Variants in EYS observed in about 807,000 individuals in gnomAD.
EYS encodes the protein protein eyes shut homolog.
Under a neutral mutation model 282.1 loss-of-function variants are expected in EYS, and 250 were observed. The ratio of observed to expected loss-of-function variants is 0.89; its 90% CI spans 0.80 to 0.98. The LOEUF (loss-of-function observed/expected upper bound fraction) is 0.98. Among genes scored for constraint, EYS ranks in the 50% least tolerant of loss-of-function variants. The probability of loss-of-function intolerance (pLI) is 0.00; values close to 1 mark genes in which losing one functional copy is unlikely to be tolerated. For missense variants in EYS, 4,016 were observed against 3,709.0 expected (o/e 1.08, Z -2.15); for synonymous variants, 1,355 against 1,282.9 (o/e 1.06, Z -1.20).
intron 35 of EYS, among the ~76,000 whole-genome samples, chr6:63,980,910 A>T (rs902878473): frequency 1.3e-5 from 2 of 151,922 alleles, no homozygotes; most frequent in Non-Finnish European, 2.9e-5. Flanking sequence ...AACAACATAG[A>T]TAGGAAGTGG....
intron 28 of EYS, among the ~76,000 whole-genome samples, chr6:64,420,689 C>A (rs181835220): frequency 6.6e-6 from 1 of 152,116 alleles, no homozygotes; most frequent in African/African-American, 2.4e-5. Context: ...ATTTCTTCTG[C>A]CAGATACCCT....
chr6:64,288,182 C>T (rs1768564971), intron 30 of EYS, among the ~76,000 whole-genome samples: 1 of 152,146 alleles, frequency 6.6e-6, no homozygotes, highest in Non-Finnish European at 1.5e-5. Context: ...GCTCTTTTCA[C>T]TCTGCACAGT....
At chr6:65,429,904 C>T (rs554735162) in intron 5 of EYS, among the ~76,000 whole-genome samples, 19 of 152,218 alleles carry the variant, frequency 1.2e-4, no homozygotes, top group Admixed American at 3.9e-4. Context: ...TTTAGTAATA[C>T]TTTTAGTTTA....
chr6:65,681,676 T>C (rs942066266), intron 1 of EYS, among the ~76,000 whole-genome samples: 2 of 151,908 alleles, frequency 1.3e-5, no homozygotes, highest in African/African-American at 2.4e-5. Flanking sequence ...ACAGGCAGCA[T>C]AAATATCATT....
At chr6:65,285,563 A>G (rs531608420) in intron 12 of EYS, among the ~76,000 whole-genome samples, 1 of 152,008 alleles carries the variant, frequency 6.6e-6, no homozygotes, top group South Asian at 2.1e-4. Context: ...TTCTATTCAT[A>G]AAAAAGATCA....
At chr6:65,625,887 T>A (rs944507312) in intron 2 of EYS, among the ~76,000 whole-genome samples, 1 of 152,232 alleles carries the variant, frequency 6.6e-6, no homozygotes, top group Non-Finnish European at 1.5e-5. Flanking sequence ...GCTCTTGGAA[T>A]TCTACATCGC....
chr6:64,259,640 T>TTA (rs1271150295), intron 30 of EYS, among the ~76,000 whole-genome samples: 9 of 98,976 alleles, frequency 9.1e-5, no homozygotes, highest in Non-Finnish European at 1.2e-4. Flanking sequence ...CCCAGTACTT[T>TTA]TACACACGCG....
intron 41 of EYS, among the ~76,000 whole-genome samples, chr6:63,729,763 T>C (rs1261957931): frequency 6.6e-6 from 1 of 152,172 alleles, no homozygotes; most frequent in Admixed American, 6.5e-5. Context: ...CCTATCTCTC[T>C]AGCTTCATGT....
intron 2 of EYS, among the ~76,000 whole-genome samples, chr6:65,541,208 A>C (rs1277023191): frequency 6.6e-6 from 1 of 152,158 alleles, no homozygotes; most frequent in African/African-American, 2.4e-5. Flanking sequence ...AAATAGTTCA[A>C]AACTATGTTC....
chr6:64,295,170 C>G (rs536719494), intron 30 of EYS, among the ~76,000 whole-genome samples: 2 of 150,786 alleles, frequency 1.3e-5, no homozygotes, highest in African/African-American at 2.5e-5. Context: ...GTCAGGAGAT[C>G]AAGACCATCC....
intron 31 of EYS, among the ~76,000 whole-genome samples, chr6:64,113,706 T>A (rs1271158820): frequency 6.6e-6 from 1 of 152,218 alleles, no homozygotes; most frequent in East Asian, 1.9e-4. Flanking sequence ...AACTTTACCA[T>A]GGGAAGCATC....
At chr6:64,538,466 C>G (rs976158716) in intron 26 of EYS, among the ~76,000 whole-genome samples, 3 of 152,078 alleles carry the variant, frequency 2.0e-5, no homozygotes, top group Admixed American at 2.0e-4. Flanking sequence ...CAAGGTTATT[C>G]AAAACCATAT....
At chr6:65,611,011 A>G (rs1483439075) in intron 2 of EYS, among the ~76,000 whole-genome samples, 2 of 152,068 alleles carry the variant, frequency 1.3e-5, no homozygotes, top group African/African-American at 4.8e-5. Flanking sequence ...ATGTACTCAT[A>G]TAAATTTAAC....
chr6:63,721,815 G>GT lies in EYS; in HGVS notation c.8234-19dup, dbSNP rs1561994484. 1 of 1,529,592 alleles carries GT rather than the reference G, an allele frequency of 6.5e-7. No homozygotes were observed. Among genetic ancestry groups the GT allele is most frequent in the African/African-American group, 1.4e-5 (1 of 71,952 alleles). The allele number at this position is 1,529,592 out of a possible 1,614,324, so 94.8% of individuals were successfully genotyped here. A position where few individuals can be genotyped will look rare whatever the true frequency, so the allele number is the denominator to read the frequency against. On this transcript the variant is annotated intron_variant, in intron 42 of 42. Coordinates refer to ENST00000503581, the MANE Select transcript of EYS (RefSeq NM_001142800.2). ...AAAATCACCTGCAAGAAAGCAAACA[G>GT]TAAGTTTGATTAGCAACAGTAAAAG...
At chr6:64,313,393 A>G (rs1769808172) in intron 29 of EYS, among the ~76,000 whole-genome samples, 1 of 152,130 alleles carries the variant, frequency 6.6e-6, no homozygotes, top group Non-Finnish European at 1.5e-5. Context: ...TGAAAATACC[A>G]AATCTAGGTT....
At chr6:63,875,148 C>T (rs2149714827) in intron 35 of EYS, among the ~76,000 whole-genome samples, 1 of 152,282 alleles carries the variant, frequency 6.6e-6, no homozygotes, top group Non-Finnish European at 1.5e-5. Flanking sequence ...TATGTCCCAT[C>T]AATACCTAGT....
chr6:64,324,803 T>C (rs1027290405), intron 29 of EYS, among the ~76,000 whole-genome samples: 2 of 152,314 alleles, frequency 1.3e-5, no homozygotes, highest in South Asian at 4.1e-4. Flanking sequence ...AAAATCGGTA[T>C]ATTTCTATGT....
chr6:64,132,849 A>G (rs1027483407), intron 31 of EYS, among the ~76,000 whole-genome samples: 1 of 152,000 alleles, frequency 6.6e-6, no homozygotes, highest in Non-Finnish European at 1.5e-5. Context: ...GTAGTATACA[A>G]TAGGCAGAAA....
intron 22 of EYS, among the ~76,000 whole-genome samples, chr6:64,728,262 G>A (rs1270382107): frequency 6.7e-6 from 1 of 149,880 alleles, no homozygotes; most frequent in Non-Finnish European, 1.5e-5. Context: ...TTTTAAACCT[G>A]TGTAAAAAAA....
Sources: gnomAD v4.1 joint callset for allele counts (sites outside exome capture counted in the v4.1 genomes callset) on GRCh38, gnomAD v4.1.1 for gene constraint, MANE v1.5 for transcripts, NCBI Gene and HGNC (gene_info 2026-07-23, HGNC 2026-07-21) for gene names.